Variants in TRIQK observed in about 807,000 individuals in gnomAD.
TRIQK encodes triple QxxK/R motif containing, also known as triple QxxK/R motif-containing protein.
A neutral mutation model predicts 10.8 loss-of-function variants in TRIQK; 10 were observed. That is an observed-to-expected ratio of 0.92 (90% CI 0.57 to 1.57). The LOEUF is 1.57. TRIQK is among the 40% of genes most tolerant of loss of function. The pLI is 0.00. For synonymous variants in TRIQK, 33 were observed against 33.7 expected (o/e 0.98, Z 0.07); for missense variants, 107 against 97.7 (o/e 1.09, Z -0.40).
intron 2 of TRIQK, among the ~76,000 whole-genome samples, chr8:92,935,160 A>G (rs1296471485): frequency 6.6e-6 from 1 of 151,750 alleles, no homozygotes; most frequent in Non-Finnish European, 1.5e-5. Context: ...TCTGCTTGAT[A>G]GTTAATTGTC....
intron 2 of TRIQK, among the ~76,000 whole-genome samples, chr8:92,939,804 C>T (rs972784314): frequency 3.9e-5 from 6 of 152,130 alleles, no homozygotes; most frequent in Non-Finnish European, 4.4e-5. Context: ...TAATGCCCAT[C>T]CCAGGGTACC....
chr8:92,992,678 G>A (rs1813107854), intron 1 of TRIQK, among the ~76,000 whole-genome samples: 1 of 152,190 alleles, frequency 6.6e-6, no homozygotes, highest in Non-Finnish European at 1.5e-5. Flanking sequence ...CAAGAGAACT[G>A]AGAACTCCAA....
At chr8:92,969,522 T>C (rs1812852892), upstream of TRIQK, among the ~76,000 whole-genome samples, 1 of 151,686 alleles carries the variant, frequency 6.6e-6, no homozygotes, top group African/African-American at 2.4e-5. Flanking sequence ...CAGTATGCTC[T>C]AAATGTTGAT....
At chr8:92,920,473 G>A (rs7463093) in intron 2 of TRIQK, among the ~76,000 whole-genome samples, 100,880 of 150,528 alleles carry the variant, frequency 0.67, 34,031 homozygotes, top group Admixed American at 0.78. Flanking sequence ...ACCAACAGGA[G>A]AAAAATGAAA....
intron 1 of TRIQK, among the ~76,000 whole-genome samples, chr8:92,961,028 T>C (rs1367939968): frequency 6.6e-6 from 1 of 152,194 alleles, no homozygotes; most frequent in African/African-American, 2.4e-5. Context: ...AAGCCATGTA[T>C]TCTTGAATGT....
intron 2 of TRIQK, among the ~76,000 whole-genome samples, chr8:92,932,595 A>G (rs1452295897): frequency 6.6e-6 from 1 of 151,776 alleles, no homozygotes; most frequent in Non-Finnish European, 1.5e-5. Context: ...ATTTACCACT[A>G]CTTGGTTAGC....
intron 1 of TRIQK, among the ~76,000 whole-genome samples, chr8:93,002,790 G>A (rs752497426): frequency 7.2e-5 from 11 of 151,928 alleles, no homozygotes; most frequent in South Asian, 4.2e-4. Flanking sequence ...TGTGGTAGGG[G>A]GAGTCTGTAA....
At chr8:92,967,519 T>A (rs953831402), upstream of TRIQK, among the ~76,000 whole-genome samples, 6 of 152,130 alleles carry the variant, frequency 3.9e-5, no homozygotes, top group Non-Finnish European at 5.9e-5. Flanking sequence ...TTTTCTTTAA[T>A]CTTTTAAAAA....
chr8:92,967,939 G>A (rs1490431729), upstream of TRIQK, among the ~76,000 whole-genome samples: 2 of 151,478 alleles, frequency 1.3e-5, no homozygotes, highest in African/African-American at 2.4e-5. Flanking sequence ...ATGTACTTGA[G>A]TCCATTTTCA....
chr8:92,987,069 C>T (rs918918834), intron 1 of TRIQK, among the ~76,000 whole-genome samples: 2 of 152,136 alleles, frequency 1.3e-5, no homozygotes, highest in African/African-American at 2.4e-5. Context: ...TGTAAATTGT[C>T]TTTCAGAATT....
intron 3 of TRIQK, among the ~76,000 whole-genome samples, chr8:92,916,263 GA>G (rs1428411673): frequency 6.6e-6 from 1 of 152,084 alleles, no homozygotes; most frequent in Non-Finnish European, 1.5e-5. Flanking sequence ...TCCTTGAAAA[GA>G]AAATCCTGCA....
chr8:92,954,753 A>AT (rs1812088110), intron 1 of TRIQK, among the ~76,000 whole-genome samples, 189 bp from the exon 2 acceptor site: 1 of 151,842 alleles, frequency 6.6e-6, no homozygotes. Context: ...ATTATGCCCC[A>AT]TTTTAACAAG....
At chr8:93,004,748 T>C (rs565756076) in intron 1 of TRIQK, among the ~76,000 whole-genome samples, 1 of 152,298 alleles carries the variant, frequency 6.6e-6, no homozygotes, top group Non-Finnish European at 1.5e-5. Flanking sequence ...CCCTAAATCA[T>C]CTCTCTCAAG....
intron 1 of TRIQK, among the ~76,000 whole-genome samples, chr8:92,999,603 C>A (rs1363842953): frequency 6.6e-6 from 1 of 152,126 alleles, no homozygotes; most frequent in Non-Finnish European, 1.5e-5. Context: ...ATTTTCCTGA[C>A]CCAATTTGTG....
chr8:92,986,275 A>G (rs556388807), intron 1 of TRIQK, among the ~76,000 whole-genome samples: 89 of 152,268 alleles, frequency 5.8e-4, no homozygotes, highest in African/African-American at 2.0e-3. Context: ...CCAAGCATCA[A>G]TGCAATATTA....
In TRIQK at chr8:92,920,806, C is replaced by A. The variant is rs547783796; in HGVS notation, c.-21-3796G>T. On this transcript the variant is annotated intron_variant, in intron 2 of 4. Coordinates refer to ENST00000521988, the MANE Select transcript of TRIQK (RefSeq NM_001171797.2). ...TTTACTAAGAAACCAGAAACATAAT[C>A]TAAAAAAGTCTTTGAATGAAAGCCA... Among the ~76,000 whole-genome samples, 30 of 151,844 alleles carry A rather than the reference C, an allele frequency of 2.0e-4. No homozygotes were observed. The South Asian group carries it at 5.0e-3, about 25-fold the overall frequency.
At chr8:92,917,069 G>T in intron 2 of TRIQK, 59 bp from the exon 3 acceptor site, 1 of 1,041,674 alleles carries the variant, frequency 9.6e-7, no homozygotes, top group South Asian at 2.0e-5. Context: ...ATAAAATCCA[G>T]AAATAGTTTA....
chr8:92,891,570 A>T (rs558549770), intron 4 of TRIQK, among the ~76,000 whole-genome samples: 1 of 152,048 alleles, frequency 6.6e-6, no homozygotes, highest in African/African-American at 2.4e-5. Context: ...GAGTACTGAC[A>T]ACAATAAGAT....
At chr8:92,962,584 C>A (rs1011788930) in intron 1 of TRIQK, among the ~76,000 whole-genome samples, 1 of 152,110 alleles carries the variant, frequency 6.6e-6, no homozygotes, top group Admixed American at 6.6e-5. Context: ...TCAAATACCC[C>A]AGAGGTGTCA....
Sources: gnomAD v4.1 joint callset for allele counts (sites outside exome capture counted in the v4.1 genomes callset) on GRCh38, gnomAD v4.1.1 for gene constraint, MANE v1.5 for transcripts, NCBI Gene and HGNC (gene_info 2026-07-23, HGNC 2026-07-21) for gene names.